The following NEO1 variants were observed in gnomAD, a reference collection of about 807,000 sequenced individuals.
NEO1 encodes neogenin.
A neutral mutation model predicts 159.7 loss-of-function variants in NEO1; 63 were observed. That is an observed-to-expected ratio of 0.39 (90% confidence interval 0.32 to 0.49). The LOEUF (loss-of-function observed/expected upper bound fraction) is 0.49, where lower values mean the gene tolerates loss of function less well. Among genes scored for constraint, NEO1 ranks in the 20% least tolerant of loss-of-function variants. NEO1 has a pLI of 0.85. For synonymous variants in NEO1, 633 were observed against 662.0 expected, an observed-to-expected ratio of 0.96 and a Z score of 0.67; for missense variants, 1,615 against 1,831.0, an observed-to-expected ratio of 0.88 and a Z score of 2.15.
intron 1 of NEO1, among the ~76,000 whole-genome samples, chr15:73,059,593 G>T (rs776074501): frequency 6.6e-6 from 1 of 152,206 alleles, no homozygotes; most frequent in Non-Finnish European, 1.5e-5. Flanking sequence ...AATGGTGGAG[G>T]TAAGGGAGAT....
intron 1 of NEO1, among the ~76,000 whole-genome samples, chr15:73,098,181 T>G (rs2070190184): frequency 6.6e-6 from 1 of 152,128 alleles, no homozygotes; most frequent in African/African-American, 2.4e-5. Flanking sequence ...GTTCTTTTGG[T>G]CCTTAGAGTA....
intron 11 of NEO1, among the ~76,000 whole-genome samples, chr15:73,249,946 C>T (rs1306196090): frequency 1.3e-5 from 2 of 152,192 alleles, no homozygotes; most frequent in Non-Finnish European, 2.9e-5. Context: ...AAGCATAGAG[C>T]ATAAAGTGCC....
intron 1 of NEO1, among the ~76,000 whole-genome samples, chr15:73,092,319 A>G (rs1193661604): frequency 1.3e-5 from 2 of 152,232 alleles, no homozygotes; most frequent in African/African-American, 4.8e-5. Context: ...GGGGATAATT[A>G]AGAGCTTTAT....
chr15:73,151,177 A>C (rs2033341231), intron 5 of NEO1, among the ~76,000 whole-genome samples: 1 of 152,150 alleles, frequency 6.6e-6, no homozygotes. Context: ...ATATGGTTTT[A>C]ATATGCATTT....
rs2070414251 is a variant in NEO1 at position 73,101,751 on chromosome 15, G to A, written c.131-14789G>A. On this transcript the variant is annotated intron_variant, in intron 1 of 28. Coordinates refer to ENST00000261908, the MANE Select transcript of NEO1 (RefSeq NM_002499.4). ...GGCAAGGAGGGTGAGTCCCATCCTT[G>A]ATACTCTATTGTGGCCAGAAGCCTG... is the stretch of plus-strand genomic sequence containing the variant. Among the ~76,000 whole-genome samples, 4 of 152,056 alleles carry A rather than the reference G, an allele frequency of 2.6e-5. No homozygotes were observed. The South Asian group carries it at 8.3e-4, about 32-fold the overall frequency.
Position 73,282,965 on chromosome 15 carries a change from C to T in NEO1, c.3264C>T (p.Gly1088=). The T allele has an allele frequency of 6.2e-7, 1 of 1,613,536 alleles. No homozygotes were observed. The highest frequency in any genetic ancestry group is 8.5e-7 in the Non-Finnish European group (1 of 1,179,844). The change falls in exon 23 of 29, where the codon GGC becomes GGT. Residue 1088 remains glycine, a splice_region_variant and synonymous_variant. Coordinates refer to ENST00000261908, the MANE Select transcript of NEO1 (RefSeq NM_002499.4). ...LGSDYKPPMS[G]SNSPHGSPTS... Reference sequence around the variant, plus strand: ...CATGTACCATTTCTCTCTCTGCAGGCAGTAACAGCCCTCATGGGAGCCCCA... The same window carrying T: ...CATGTACCATTTCTCTCTCTGCAGGTAGTAACAGCCCTCATGGGAGCCCCA...
chr15:73,201,916 C>A (rs758636379), intron 7 of NEO1, among the ~76,000 whole-genome samples: 3 of 149,548 alleles, frequency 2.0e-5, no homozygotes, highest in Non-Finnish European at 4.4e-5. Flanking sequence ...AAAGGTATTC[C>A]ATCTTTCTTT....
At chr15:73,055,456 T>C (rs1395453745) in intron 1 of NEO1, among the ~76,000 whole-genome samples, 1 of 152,182 alleles carries the variant, frequency 6.6e-6, no homozygotes, top group Admixed American at 6.5e-5. Flanking sequence ...TTACTCTATC[T>C]TCAGGTTAAT....
At chr15:73,119,597 C>G (rs1236946041) in intron 2 of NEO1, among the ~76,000 whole-genome samples, 1 of 152,098 alleles carries the variant, frequency 6.6e-6, no homozygotes, top group African/African-American at 2.4e-5. Context: ...GTCTTAACTC[C>G]CACTCTCCTT....
At chr15:73,214,039 C>T (rs772333957) in intron 7 of NEO1, among the ~76,000 whole-genome samples, 8 of 152,048 alleles carry the variant, frequency 5.3e-5, no homozygotes, top group South Asian at 2.1e-4. Flanking sequence ...AGCATTTTTT[C>T]GTATGTTGGC....
Position 73,249,636 on chromosome 15 carries a change from A to G in NEO1, c.1809A>G (p.Thr603=), listed in dbSNP as rs145394538. 1.9e-5 allele frequency: 30 copies of G among 1,613,476 alleles called. No homozygotes were observed. Among genetic ancestry groups the G allele is most frequent in the Non-Finnish European group, 2.5e-5 (30 of 1,179,664 alleles). The change falls in exon 11 of 29, where the codon ACA becomes ACG. Residue 603 remains threonine, a synonymous_variant. Coordinates refer to ENST00000261908, the MANE Select transcript of NEO1 (RefSeq NM_002499.4). ...CCATTAATGGGTTGAAAAAATATAC[A>G]GAGTATAGTTTCCGAGTGGTGGCCT... The part of the protein sequence containing the change: ...SYTINGLKKY[T]EYSFRVVAYN...
intron 1 of NEO1, among the ~76,000 whole-genome samples, chr15:73,066,320 CTTTTTTTTTTTT>C (rs35179965): frequency 9.1e-6 from 1 of 110,252 alleles, no homozygotes; most frequent in African/African-American, 3.6e-5. Flanking sequence ...CACCTGGCCT[CTTTTTTTTTTTT>C]TTTTTTTTTT....
At chr15:73,251,757 C>T (rs2040084286) in intron 11 of NEO1, among the ~76,000 whole-genome samples, 3 of 152,134 alleles carry the variant, frequency 2.0e-5, no homozygotes, top group Admixed American at 2.0e-4. Context: ...CTAGGGGCAG[C>T]ACTTTGGAAT....
chr15:73,250,279 T>TA (rs945175338), intron 11 of NEO1, among the ~76,000 whole-genome samples: 14 of 151,952 alleles, frequency 9.2e-5, no homozygotes, highest in Middle Eastern at 3.4e-3. Flanking sequence ...AACCAGCATT[T>TA]AAAAAAAATA....
Position 73,176,449 on chromosome 15 carries a change from A to G in NEO1, c.1062A>G (p.Glu354=). 6.2e-7 allele frequency: 1 copy of G among 1,609,346 alleles called. No homozygotes were observed. ...LKQPTNIYAH[E]SMDIVFECEV... The stretch of plus-strand genomic sequence containing the variant: ...AGCCTACTAATATATATGCTCACGA[A>G]TCTATGGATATTGTATTTGAATGTG... Residue 354 remains glutamate, a synonymous_variant, in exon 6 of 29, where the codon GAA becomes GAG. Transcript: ENST00000261908.
At chr15:73,247,005 A>G (rs1237705381) in intron 9 of NEO1, among the ~76,000 whole-genome samples, 2 of 152,246 alleles carry the variant, frequency 1.3e-5, no homozygotes, top group Admixed American at 6.5e-5. Context: ...ACCATAGACA[A>G]CAGTGTGATG....
At chr15:73,201,024 C>T (rs1010469024) in intron 7 of NEO1, among the ~76,000 whole-genome samples, 3 of 151,864 alleles carry the variant, frequency 2.0e-5, no homozygotes, top group Middle Eastern at 3.4e-3. Context: ...TAGTGTTAGC[C>T]CCTCTTTCAT....
chr15:73,254,966 A>G (rs1453407885), intron 13 of NEO1, 137 bp downstream of exon 13: 15 of 850,434 alleles, frequency 1.8e-5, no homozygotes, highest in Admixed American at 1.7e-4. Flanking sequence ...TAATGGTTCA[A>G]TCCACTTCTG....
intron 7 of NEO1, among the ~76,000 whole-genome samples, chr15:73,194,003 G>A (rs1010344547): frequency 6.6e-6 from 1 of 152,162 alleles, no homozygotes; most frequent in African/African-American, 2.4e-5. Context: ...CCAGCATCTC[G>A]GTTTACCAGT....
Sources: gnomAD v4.1 joint callset for allele counts (sites outside exome capture counted in the v4.1 genomes callset) on GRCh38, gnomAD v4.1.1 for gene constraint, MANE v1.5 for transcripts, NCBI Gene and HGNC (gene_info 2026-07-23, HGNC 2026-07-21) for gene names.